Variants in KIF6 observed in about 807,000 individuals in gnomAD.
KIF6 encodes kinesin-like protein KIF6.
Under a neutral mutation model 112.7 loss-of-function variants are expected in KIF6, and 106 were observed. The ratio of observed to expected loss-of-function variants is 0.94; its 90% CI spans 0.80 to 1.11. KIF6 has a LOEUF of 1.11. KIF6 is among the 50% of genes least tolerant of loss of function. KIF6 has a pLI of 0.00. For missense variants in KIF6, 929 were observed against 964.0 expected, an observed-to-expected ratio of 0.96 and a Z score of 0.48; for synonymous variants, 339 against 339.9, an observed-to-expected ratio of 1.00 and a Z score of 0.03.
intron 9 of KIF6, among the ~76,000 whole-genome samples, chr6:39,581,631 C>G (rs1013810654): frequency 6.6e-6 from 1 of 151,946 alleles, no homozygotes; most frequent in Non-Finnish European, 1.5e-5. Context: ...GACAAGCTGC[C>G]CTGACATCTC....
intron 10 of KIF6, among the ~76,000 whole-genome samples, chr6:39,567,479 A>G (rs966499976): frequency 1.3e-5 from 2 of 152,226 alleles, no homozygotes; most frequent in African/African-American, 2.4e-5. Context: ...CTTAGTGACT[A>G]AACAGTTTAG....
At chr6:39,617,611 T>G (rs966197501) in intron 5 of KIF6, 2 of 419,992 alleles carry the variant, frequency 4.8e-6, no homozygotes, top group Non-Finnish European at 9.7e-6. Context: ...GTTTGTATAG[T>G]TATCACGACA....
chr6:39,598,446 A>G (rs1190044045), intron 6 of KIF6, among the ~76,000 whole-genome samples: 1 of 152,180 alleles, frequency 6.6e-6, no homozygotes. Context: ...TTGTGGAAAT[A>G]TAAATTAAGA....
Position 39,639,745 on chromosome 6 carries a change from A to T in KIF6, c.264T>A (p.Gly88=). The stretch of plus-strand genomic sequence containing the variant: ...CATATGCAAAGATGGTACCATTGTA[A>T]CCTGCCAGGACACTGCAATAAAGAA... The part of the protein sequence containing the change: ...AKPVAGSVLA[G]YNGTIFAYGQ... Residue 88 remains glycine, a synonymous_variant, in exon 4 of 23, where the codon GGT becomes GGA. Transcript: ENST00000287152. The T allele has an allele frequency of 5.0e-6, 8 of 1,609,656 alleles. No individual in the cohort carries two copies. Among genetic ancestry groups the T allele is most frequent in the Non-Finnish European group, 6.8e-6 (8 of 1,178,258 alleles).
At chr6:39,337,173 T>C (rs1282291621) in intron 22 of KIF6, among the ~76,000 whole-genome samples, 10 of 19,576 alleles carry the variant, frequency 5.1e-4, no homozygotes, top group Non-Finnish European at 8.1e-4. Context: ...CTTTCCTTCC[T>C]TCTTTCTTTC....
At chr6:39,707,003 A>T (rs563254543) in intron 3 of KIF6, among the ~76,000 whole-genome samples, 2 of 152,312 alleles carry the variant, frequency 1.3e-5, no homozygotes, top group East Asian at 3.9e-4. Flanking sequence ...TCATAAAGAG[A>T]GTATAGAATA....
At position 39,583,674 on chromosome 6, in the gene KIF6, C is replaced by CTTTTTTTTTTT. The variant is rs564229262; in HGVS notation, c.1077+1213_1077+1223dup. 9.8e-5 allele frequency among the ~76,000 whole-genome samples: 7 copies of CTTTTTTTTTTT among 71,708 alleles called. 2 individuals carry two copies. Among genetic ancestry groups the CTTTTTTTTTTT allele is most frequent in the Admixed American group, 4.6e-4 (3 of 6,452 alleles). 47.0% of individuals were successfully genotyped at this position (71,708 alleles called of 152,430 possible). A position where few individuals can be genotyped will look rare whatever the true frequency, so the allele number is the denominator to read the frequency against. On this transcript the variant is annotated intron_variant, in intron 9 of 22. Coordinates refer to ENST00000287152, the MANE Select transcript of KIF6 (RefSeq NM_145027.6). ...AAACACTGTTGGTAGGATTTCACTTCTTTTTTTTTTTTTTTTTTTTTTTTT... is the reference window on the plus strand; with the variant it reads ...AAACACTGTTGGTAGGATTTCACTTCTTTTTTTTTTTTTTTTTTTTTTTTTTTTTTTTTTTT...
At chr6:39,453,327 G>A (rs891672829) in intron 13 of KIF6, among the ~76,000 whole-genome samples, 2 of 152,178 alleles carry the variant, frequency 1.3e-5, no homozygotes, top group Non-Finnish European at 2.9e-5. Flanking sequence ...ATGGGTCCAG[G>A]GTGGACTGAA....
rs758548930 is a variant in KIF6 at position 39,714,741 on chromosome 6, C to T, written c.202G>A (p.Ala68Thr). Residue 68 changes from alanine to threonine, a missense_variant, in exon 3 of 23, where the codon GCA becomes ACA. This residue lies in a region of KIF6 where 688 missense variants were observed against 662.7 expected (regional missense o/e 1.04). Transcript: ENST00000287152. ...TTTTCAAAAACGGTCTCTTGGTTTG[C>T]ATCCTGATCAAAAATTCTTTGAAAT... is the stretch of plus-strand genomic sequence containing the variant. ...FKFQRIFDQD[A>T]NQETVFENIA... 6 of 1,613,038 alleles carry T rather than the reference C, an allele frequency of 3.7e-6. No individual in the cohort carries two copies.
At chr6:39,642,728 T>A (rs886513486) in intron 3 of KIF6, among the ~76,000 whole-genome samples, 1 of 152,106 alleles carries the variant, frequency 6.6e-6, no homozygotes, top group African/African-American at 2.4e-5. Flanking sequence ...GAAATGTGTA[T>A]AAGGGGTTTC....
At chr6:39,455,632 G>C (rs1432956608) in intron 13 of KIF6, among the ~76,000 whole-genome samples, 4 of 147,850 alleles carry the variant, frequency 2.7e-5, no homozygotes, top group Non-Finnish European at 4.5e-5. Context: ...AAAAAATTTA[G>C]AAGAATGTAT....
intron 11 of KIF6, 135 bp downstream of exon 11, chr6:39,545,448 G>A: frequency 3.3e-6 from 2 of 601,616 alleles, no homozygotes; most frequent in East Asian, 2.8e-5. Flanking sequence ...TCATACTATT[G>A]ATTCAAAGAT....
chr6:39,392,494 C>T (rs573786451), intron 15 of KIF6, among the ~76,000 whole-genome samples: 3 of 152,138 alleles, frequency 2.0e-5, no homozygotes, highest in Non-Finnish European at 4.4e-5. Context: ...GTTGAGGATA[C>T]TTAACGAGAT....
chr6:39,703,849 T>C (rs1789026859), intron 3 of KIF6, among the ~76,000 whole-genome samples: 1 of 152,230 alleles, frequency 6.6e-6, no homozygotes, highest in African/African-American at 2.4e-5. Context: ...ATCTTGCCAG[T>C]TGTAATCAAT....
rs114772571 is a variant in KIF6 at position 39,542,795 on chromosome 6, C to T, written c.1426+1760G>A. ...GCTTTTCTCAGCAGGTCTTATGGTC[C>T]TGCTCCTGAAGAGTAGAAAGCAATG... On this transcript the variant is annotated intron_variant, in intron 12 of 22. Transcript: ENST00000287152. Among the ~76,000 whole-genome samples the T allele has an allele frequency of 7.3e-3, 1,109 of 152,312 alleles. 14 individuals are homozygous for T. Among genetic ancestry groups the T allele is most frequent in the African/African-American group, 0.025 (1,042 of 41,574 alleles).
intron 9 of KIF6, chr6:39,583,319 C>G: frequency 2.2e-6 from 1 of 457,562 alleles, no homozygotes; most frequent in South Asian, 1.6e-5. Context: ...TCCACCCTAG[C>G]AGTTCAGTTC....
chr6:39,389,079 G>A (rs1251518904), intron 15 of KIF6, among the ~76,000 whole-genome samples: 1 of 152,218 alleles, frequency 6.6e-6, no homozygotes, highest in African/African-American at 2.4e-5. Flanking sequence ...GAGGAGACGG[G>A]TGACCTTAAA....
chr6:39,418,818 TTC>T (rs1770121491), intron 15 of KIF6, among the ~76,000 whole-genome samples: 2 of 152,140 alleles, frequency 1.3e-5, no homozygotes, highest in Non-Finnish European at 2.9e-5. Flanking sequence ...GATTTTTATA[TTC>T]TGTTAGAAAA....
At chr6:39,460,300 C>G (rs1485918392) in intron 13 of KIF6, among the ~76,000 whole-genome samples, 12 of 117,582 alleles carry the variant, frequency 1.0e-4, no homozygotes, top group Non-Finnish European at 1.7e-4. Flanking sequence ...CGCATATTCT[C>G]ACTCATAGGT....
Sources: gnomAD v4.1 joint callset for allele counts (sites outside exome capture counted in the v4.1 genomes callset) on GRCh38, gnomAD v4.1.1 for gene constraint, gnomAD v4.1.1 regional missense constraint, MANE v1.5 for transcripts, NCBI Gene and HGNC (gene_info 2026-07-23, HGNC 2026-07-21) for gene names.